Variants in NOTCH2NLC observed in about 807,000 individuals in gnomAD.
NOTCH2NLC encodes notch 2 N-terminal like C, also known as notch homolog 2 N-terminal-like protein C.
In NOTCH2NLC, 4 loss-of-function variants were observed where a neutral mutation model predicts 17.7. That is an observed-to-expected ratio of 0.23 (90% CI 0.11 to 0.52). The LOEUF (loss-of-function observed/expected upper bound fraction) is 0.52, where lower values mean the gene tolerates loss of function less well. NOTCH2NLC is among the 20% of genes least tolerant of loss of function. NOTCH2NLC has a pLI of 0.96. For missense variants in NOTCH2NLC, 57 were observed against 207.2 expected (o/e 0.28, Z 4.45); for synonymous variants, 18 against 86.0 (o/e 0.21, Z 4.38).
intron 1 of NOTCH2NLC, among the ~76,000 whole-genome samples, chr1:149,402,218 T>TA (rs2084250447): frequency 6.6e-6 from 1 of 150,616 alleles, no homozygotes; most frequent in East Asian, 2.0e-4. Context: ...TAGCTGGAAT[T>TA]ACAGGCATGC....
chr1:149,445,775 A>G lies in NOTCH2NLC; in HGVS notation c.210-9543A>G, dbSNP rs1246154673. On this transcript the variant is annotated intron_variant, in intron 2 of 4. Coordinates refer to ENST00000650865, the MANE Select transcript of NOTCH2NLC (RefSeq NM_001364013.2). Reference sequence around the variant, plus strand: ...TTCCCCTTCGTTCCACATTCTGTATAGTTTTTTTAAAAATCATGACTTTGA... The same window carrying G: ...TTCCCCTTCGTTCCACATTCTGTATGGTTTTTTTAAAAATCATGACTTTGA... Among the ~76,000 whole-genome samples the G allele has an allele frequency of 2.0e-5, 3 of 149,956 alleles. No homozygotes were observed. The East Asian group carries it at 5.9e-4, about 30-fold the overall frequency.
At chr1:149,460,439 C>T (rs2084636368) in intron 3 of NOTCH2NLC, among the ~76,000 whole-genome samples, 1 of 145,282 alleles carries the variant, frequency 6.9e-6, no homozygotes, top group South Asian at 2.2e-4. Flanking sequence ...CCCGGGTTCA[C>T]GCCATTCTTC....
Position 149,390,779 on chromosome 1 carries a change from C to G in NOTCH2NLC, c.-9C>G. On this transcript the variant is annotated 5_prime_UTR_variant, in exon 1 of 5. Coordinates refer to ENST00000650865, the MANE Select transcript of NOTCH2NLC (RefSeq NM_001364013.2). ...GAGAGTGGGGCTCCTCTATCGGGAC[C>G]CCCTCCCCATGTGGATCTGCCCAGG... The G allele has an allele frequency of 1.0e-6, 1 of 987,746 alleles. No individual in the cohort carries two copies. 61.2% of individuals were successfully genotyped at this position (987,746 alleles called of 1,614,324 possible).
chr1:149,402,149 G>A lies in NOTCH2NLC; in HGVS notation c.135+11227G>A, dbSNP rs1299465371. Reference sequence around the variant, plus strand: ...GGCTGGAGTGCAATGGCGCAATCTCGGCTCACCGCAACCTCCACCTCCCGG... The same window carrying A: ...GGCTGGAGTGCAATGGCGCAATCTCAGCTCACCGCAACCTCCACCTCCCGG... On this transcript the variant is annotated intron_variant, in intron 1 of 4. Coordinates refer to ENST00000650865, the MANE Select transcript of NOTCH2NLC (RefSeq NM_001364013.2). Among the ~76,000 whole-genome samples, 115 of 149,708 alleles carry A rather than the reference G, an allele frequency of 7.7e-4. 6 individuals carry two copies. In the Middle Eastern group the frequency reaches 0.01, roughly 13 times the overall value.
At chr1:149,461,899 G>T (rs1471586920) in intron 3 of NOTCH2NLC, among the ~76,000 whole-genome samples, 24 of 140,170 alleles carry the variant, frequency 1.7e-4, no homozygotes, top group African/African-American at 6.4e-4. Flanking sequence ...ACCAAACACC[G>T]CATGTTCTCA....
intron 1 of NOTCH2NLC, among the ~76,000 whole-genome samples, chr1:149,408,549 A>G (rs1186759306): frequency 1.3e-5 from 2 of 150,756 alleles, no homozygotes; most frequent in Non-Finnish European, 3.0e-5. Flanking sequence ...TTTTACACAT[A>G]CACCCACAAG....
At position 149,461,839 on chromosome 1, in the gene NOTCH2NLC, G is replaced by T. The variant is rs1485519127; in HGVS notation, c.470-1652G>T. 1.6e-3 allele frequency among the ~76,000 whole-genome samples: 233 copies of T among 147,708 alleles called. 2 individuals carry two copies. The highest frequency in any genetic ancestry group is 0.011 in the Middle Eastern group (3 of 280). On this transcript the variant is annotated intron_variant, in intron 3 of 4. Coordinates refer to ENST00000650865, the MANE Select transcript of NOTCH2NLC (RefSeq NM_001364013.2). Reference sequence around the variant, plus strand: ...GAGTTCATGTCCTTTGTAGGGACATGGATGAAGCTGGAAACCATCATTCTC... The same window carrying T: ...GAGTTCATGTCCTTTGTAGGGACATTGATGAAGCTGGAAACCATCATTCTC...
chr1:149,441,042 G>C (rs1474508153), intron 2 of NOTCH2NLC, among the ~76,000 whole-genome samples: 1 of 150,664 alleles, frequency 6.6e-6, no homozygotes, highest in East Asian at 2.0e-4. Flanking sequence ...CTACCAGACA[G>C]AGAGGCGGTA....
chr1:149,449,862 C>A (rs1436770952), intron 2 of NOTCH2NLC, among the ~76,000 whole-genome samples: 1 of 150,776 alleles, frequency 6.6e-6, no homozygotes, highest in Non-Finnish European at 1.5e-5. Flanking sequence ...ATATTCTGGA[C>A]ATTTCATATA....
chr1:149,420,112 C>T lies in NOTCH2NLC; in HGVS notation c.136-10830C>T, dbSNP rs1352296340. On this transcript the variant is annotated intron_variant, in intron 1 of 4. Transcript: ENST00000650865. ...GTGTCGATCTCCTGACCTCGTGATC[C>T]GCCCACCTCGGCCTCCCAAAGTGCT... Among the ~76,000 whole-genome samples, 43 of 150,010 alleles carry T rather than the reference C, an allele frequency of 2.9e-4. No homozygotes were observed. In the South Asian group the frequency reaches 5.9e-3, roughly 21 times the overall value.
Position 149,390,660 on chromosome 1 carries a change from G to C in NOTCH2NLC, c.-128G>C, listed in dbSNP as rs1160612024. On this transcript the variant is annotated 5_prime_UTR_variant, in exon 1 of 5. Transcript: ENST00000650865. ...GCGGCTGAGGCGGCGGCCGAGGAGC[G>C]GCGGACTCGGGGCGCGGGGAGTCGA... The C allele has an allele frequency of 2.4e-5, 29 of 1,207,992 alleles. 1 individual carries two copies. Among genetic ancestry groups the C allele is most frequent in the Middle Eastern group, 3.3e-4 (1 of 3,022 alleles). The allele number at this position is 1,207,992 out of a possible 1,614,324, so 74.8% of individuals were successfully genotyped here.
chr1:149,430,810 A>C (rs1422623078), intron 1 of NOTCH2NLC, 132 bp from the exon 2 acceptor site: 1 of 407,710 alleles, frequency 2.5e-6, no homozygotes. Flanking sequence ...AACTGATTAA[A>C]ACTCTAAAAA....
At chr1:149,414,832 A>G (rs1384316086) in intron 1 of NOTCH2NLC, among the ~76,000 whole-genome samples, 1 of 146,932 alleles carries the variant, frequency 6.8e-6, no homozygotes, top group African/African-American at 2.5e-5. Context: ...CTTATCTTTT[A>G]CTCCCCACGT....
intron 1 of NOTCH2NLC, among the ~76,000 whole-genome samples, chr1:149,411,140 GA>G (rs2084296523): frequency 9.2e-6 from 1 of 108,232 alleles, no homozygotes; most frequent in African/African-American, 3.6e-5. Context: ...AGTTTTGGAG[GA>G]CTTGTTAGAA....
At chr1:149,421,498 C>CAAAAAAA (rs1186003741) in intron 1 of NOTCH2NLC, among the ~76,000 whole-genome samples, 1 of 36,986 alleles carries the variant, frequency 2.7e-5, no homozygotes, top group Non-Finnish European at 5.6e-5. Context: ...GACTCCATCT[C>CAAAAAAA]AAAAAAAAAA....
intron 2 of NOTCH2NLC, among the ~76,000 whole-genome samples, chr1:149,450,841 ATAAT>A (rs1364304320): frequency 2.1e-5 from 2 of 96,774 alleles, no homozygotes; most frequent in African/African-American, 8.2e-5. Flanking sequence ...GAAAAATTGA[ATAAT>A]TAAAGTTTCT....
intron 1 of NOTCH2NLC, among the ~76,000 whole-genome samples, chr1:149,415,052 A>G (rs1402764670): frequency 2.6e-4 from 27 of 105,102 alleles, no homozygotes; most frequent in Non-Finnish European, 4.2e-4. Context: ...GTTTGAAGTT[A>G]TTAAGCCTTC....
At chr1:149,435,908 C>A (rs2084479698) in intron 2 of NOTCH2NLC, among the ~76,000 whole-genome samples, 1 of 149,942 alleles carries the variant, frequency 6.7e-6, no homozygotes. Context: ...TAAAAAAAAA[C>A]AAAAACAAAA....
At chr1:149,402,032 C>T (rs1250319497) in intron 1 of NOTCH2NLC, among the ~76,000 whole-genome samples, 4 of 144,944 alleles carry the variant, frequency 2.8e-5, no homozygotes, top group East Asian at 2.1e-4. Context: ...ACATTGTTTA[C>T]CCCTACATAA....
Sources: gnomAD v4.1 joint callset for allele counts (sites outside exome capture counted in the v4.1 genomes callset) on GRCh38, gnomAD v4.1.1 for gene constraint, MANE v1.5 for transcripts, NCBI Gene and HGNC (gene_info 2026-07-23, HGNC 2026-07-21) for gene names.